SUCO: variants seen among roughly 807,000 people sequenced by gnomAD.
The protein encoded by SUCO is SUN domain containing ossification factor.
A neutral mutation model predicts 148.1 loss-of-function variants in SUCO; 57 were observed. The ratio of observed to expected loss-of-function variants is 0.38; its 90% CI spans 0.31 to 0.48. The LOEUF is 0.48. SUCO is among the 20% of genes least tolerant of loss of function. The pLI, the probability that SUCO is intolerant of heterozygous loss-of-function variation, is 0.96. For synonymous variants in SUCO, 470 were observed against 502.7 expected (o/e 0.93, Z 0.87); for missense variants, 1,331 against 1,468.2 (o/e 0.91, Z 1.53).
chr1:172,537,926 A>G (rs760463294), intron 1 of SUCO, among the ~76,000 whole-genome samples: 11 of 152,174 alleles, frequency 7.2e-5, no homozygotes, highest in Non-Finnish European at 1.0e-4. Flanking sequence ...GGTCTGCAGG[A>G]TGGATAGTTC....
In SUCO at chr1:172,575,575, T is replaced by G. The variant is rs116289195; in HGVS notation, c.1215T>G (p.Asn405Lys). 1.2e-6 allele frequency: 2 copies of G among 1,612,386 alleles called. No homozygotes were observed. Among genetic ancestry groups the G allele is most frequent in the South Asian group, 2.2e-5 (2 of 90,968 alleles). The change falls in exon 11 of 24, where the codon AAT (asparagine) becomes AAG (lysine). Residue 405 changes from asparagine (N) to lysine (K), a missense_variant. Transcript: ENST00000263688. ...LGTFHGRDER[N>K]VQSFPLDEQM... The stretch of plus-strand genomic sequence containing the variant: ...CTTTTCATGGTAGAGATGAGCGGAA[T>G]GTACAGAGTTTCCCTTTAGATGAAC...
Position 172,562,166 on chromosome 1 carries a change from C to T in SUCO, c.732+4372C>T, listed in dbSNP as rs1005804524. On this transcript the variant is annotated intron_variant, in intron 6 of 23. Coordinates refer to ENST00000263688, the MANE Select transcript of SUCO (RefSeq NM_014283.5). ...TAAACATTTTAGCCTCAGGTCACAA[C>T]AGCAGTTGTAGCTGGAGGAGAAAAA... 3.9e-5 allele frequency among the ~76,000 whole-genome samples: 6 copies of T among 152,250 alleles called. No homozygotes were observed. In the East Asian group the frequency reaches 1.2e-3, roughly 29 times the overall value.
At position 172,543,034 on chromosome 1, in the gene SUCO, G is replaced by C. The variant is rs560088427; in HGVS notation, c.63-8478G>C. ...TTTGGTAGCCAGGAGATGTAGAAGA[G>C]TACATAAAAAAAAAAAAGTTAACAT... On this transcript the variant is annotated intron_variant, in intron 1 of 23. Transcript: ENST00000263688. The C allele has an allele frequency of 7.1e-6, 7 of 981,162 alleles. No individual in the cohort carries two copies. In the South Asian group the frequency reaches 2.8e-4, roughly 40 times the overall value. 60.8% of individuals were successfully genotyped at this position (981,162 alleles called of 1,614,324 possible).
intron 6 of SUCO, among the ~76,000 whole-genome samples, chr1:172,566,852 G>A (rs567357528): frequency 6.6e-6 from 1 of 152,176 alleles, no homozygotes; most frequent in South Asian, 2.1e-4. Flanking sequence ...TTTTATGTGG[G>A]CATGCATATG....
At chr1:172,564,243 A>G (rs755326408) in intron 6 of SUCO, among the ~76,000 whole-genome samples, 1 of 152,240 alleles carries the variant, frequency 6.6e-6, no homozygotes, top group African/African-American at 2.4e-5. Context: ...GCACTGCCTA[A>G]TGGAGCTGTG....
intron 22 of SUCO, among the ~76,000 whole-genome samples, chr1:172,603,424 T>C (rs1162620398): frequency 6.6e-6 from 1 of 152,008 alleles, no homozygotes; most frequent in African/African-American, 2.4e-5. Context: ...GCTTTCTTAA[T>C]AATCGATGGT....
intron 18 of SUCO, 116 bp downstream of exon 18, chr1:172,590,042 C>A: frequency 1.2e-6 from 1 of 807,154 alleles, no homozygotes. Context: ...TAGAGGTAAG[C>A]GCAATTTTAG....
intron 1 of SUCO, 62 bp downstream of exon 1, chr1:172,533,559 G>C (rs1361991646): frequency 6.8e-7 from 1 of 1,460,250 alleles, no homozygotes; most frequent in Non-Finnish European, 9.1e-7. Flanking sequence ...GAGCAGCCCA[G>C]GTCACACCCC....
At chr1:172,569,630 C>T in intron 7 of SUCO, 1 of 453,946 alleles carries the variant, frequency 2.2e-6, no homozygotes, top group Non-Finnish European at 2.9e-6. Context: ...AGGTGCAGCA[C>T]ACCACCATGG....
intron 15 of SUCO, among the ~76,000 whole-genome samples, chr1:172,579,880 C>T (rs1262504797): frequency 1.3e-5 from 2 of 151,982 alleles, no homozygotes; most frequent in African/African-American, 4.8e-5. Context: ...TTGATTATTT[C>T]TGAAAAATGT....
At chr1:172,595,985 CT>C (rs886088415) in intron 19 of SUCO, among the ~76,000 whole-genome samples, 1 of 152,116 alleles carries the variant, frequency 6.6e-6, no homozygotes, top group Admixed American at 6.5e-5. Flanking sequence ...TGTTTTTACT[CT>C]TTTTTTCTCT....
chr1:172,537,785 A>G (rs1652132580), intron 1 of SUCO, among the ~76,000 whole-genome samples: 1 of 152,194 alleles, frequency 6.6e-6, no homozygotes, highest in Admixed American at 6.5e-5. Flanking sequence ...ACATTTGGCA[A>G]ATATAACAGG....
chr1:172,588,171 G>A (rs1391587833), intron 17 of SUCO: 13 of 985,168 alleles, frequency 1.3e-5, no homozygotes, highest in Non-Finnish European at 9.6e-6. Context: ...GTGTGTAGGT[G>A]TGTGTGTGCG....
At chr1:172,549,158 C>T (rs1352040347) in intron 1 of SUCO, among the ~76,000 whole-genome samples, 1 of 151,782 alleles carries the variant, frequency 6.6e-6, no homozygotes, top group Non-Finnish European at 1.5e-5. Context: ...TATATACTTA[C>T]TCAAATTTTT....
intron 15 of SUCO, among the ~76,000 whole-genome samples, chr1:172,579,501 C>T (rs891330769): frequency 4.6e-5 from 7 of 152,008 alleles, no homozygotes; most frequent in South Asian, 2.1e-4. Context: ...TCTAATTAGG[C>T]GCTGACATTT....
In SUCO at chr1:172,611,374, T is replaced by C. The variant is rs1344948136; in HGVS notation, c.*1115T>C. On this transcript the variant is annotated 3_prime_UTR_variant, in exon 24 of 24. Transcript: ENST00000263688. Reference sequence around the variant, plus strand: ...CAGCAACTGTATTTGAATAAAATGATTTCTTAGTATGATTGTACAGTAATG... The same window carrying C: ...CAGCAACTGTATTTGAATAAAATGACTTCTTAGTATGATTGTACAGTAATG... The C allele has an allele frequency of 1.3e-5, 2 of 152,662 alleles. No individual in the cohort carries two copies. The highest frequency in any genetic ancestry group is 4.8e-5 in the African/African-American group (2 of 41,464). 9.5% of individuals were successfully genotyped at this position (152,662 alleles called of 1,614,324 possible). A position where few individuals can be genotyped will look rare whatever the true frequency, so the allele number is the denominator to read the frequency against.
chr1:172,603,979 G>A (rs947568476), intron 22 of SUCO, among the ~76,000 whole-genome samples: 2 of 151,912 alleles, frequency 1.3e-5, no homozygotes, highest in African/African-American at 4.8e-5. Context: ...GGTATACACT[G>A]GAAATGGGAT....
chr1:172,590,957 T>C (rs1293517068), intron 18 of SUCO, 27 bp from the exon 19 acceptor site: 2 of 1,514,378 alleles, frequency 1.3e-6, no homozygotes, highest in Non-Finnish European at 1.8e-6. Context: ...AAATTAAAGC[T>C]GATTTAGACC....
chr1:172,533,200 T>TTC lies in SUCO; in HGVS notation c.-236_-235insTC. The TTC allele has an allele frequency of 1.3e-6, 2 of 1,510,020 alleles. No individual in the cohort carries two copies. The highest frequency in any genetic ancestry group is 1.8e-6 in the Non-Finnish European group (2 of 1,129,700). 93.5% of individuals were successfully genotyped at this position (1,510,020 alleles called of 1,614,324 possible). A position where few individuals can be genotyped will look rare whatever the true frequency, so the allele number is the denominator to read the frequency against. On this transcript the variant is annotated 5_prime_UTR_variant, in exon 1 of 24. An upstream open reading frame in the 5' UTR loses its in-frame stop. Coordinates refer to ENST00000263688, the MANE Select transcript of SUCO (RefSeq NM_014283.5). ...AGGCGGGCGTGGACGAGCCGGTGGC[T>TTC]GCAGCGGCGGCGGTCCCCGGAGTCC...
Sources: gnomAD v4.1 joint callset for allele counts (sites outside exome capture counted in the v4.1 genomes callset) on GRCh38, gnomAD v4.1.1 for gene constraint, MANE v1.5 for transcripts, NCBI Gene and HGNC (gene_info 2026-07-23, HGNC 2026-07-21) for gene names.